The following SKAP1 variants were observed in gnomAD, a reference collection of about 807,000 sequenced individuals.
SKAP1 encodes src kinase-associated phosphoprotein 1.
Under a neutral mutation model 58.5 loss-of-function variants are expected in SKAP1, and 44 were observed. The observed-to-expected ratio is 0.75, with a 90% CI of 0.59 to 0.97. SKAP1 has a LOEUF of 0.97. SKAP1 is among the 50% of genes least tolerant of loss of function. The pLI, the probability that SKAP1 is intolerant of heterozygous loss-of-function variation, is 0.00. For missense variants in SKAP1, 390 were observed against 435.2 expected (o/e 0.90, Z 0.92); for synonymous variants, 127 against 149.7 (o/e 0.85, Z 1.11).
intron 1 of SKAP1, among the ~76,000 whole-genome samples, chr17:48,398,647 T>G (rs1462400826): frequency 1.3e-5 from 2 of 152,148 alleles, no homozygotes; most frequent in Non-Finnish European, 2.9e-5. Context: ...TATAGTTGGA[T>G]AAGCACACCT....
At chr17:48,429,374 C>T (rs1193514674) in intron 1 of SKAP1, among the ~76,000 whole-genome samples, 3 of 152,278 alleles carry the variant, frequency 2.0e-5, no homozygotes, top group East Asian at 1.9e-4. Flanking sequence ...CGGGGATGGC[C>T]GGAACTCTTT....
intron 2 of SKAP1, among the ~76,000 whole-genome samples, chr17:48,374,286 C>T (rs1253265246): frequency 6.6e-6 from 1 of 151,096 alleles, no homozygotes; most frequent in Non-Finnish European, 1.5e-5. Flanking sequence ...AGCAATCTGC[C>T]TGCTTGGCCT....
chr17:48,244,891 G>A (rs2065279106), intron 4 of SKAP1, among the ~76,000 whole-genome samples: 1 of 152,188 alleles, frequency 6.6e-6, no homozygotes, highest in Admixed American at 6.5e-5. Context: ...AATGATGCAT[G>A]GATGCTTGCC....
At chr17:48,301,886 T>C (rs1443499038) in intron 4 of SKAP1, among the ~76,000 whole-genome samples, 1 of 152,212 alleles carries the variant, frequency 6.6e-6, no homozygotes, top group Non-Finnish European at 1.5e-5. Flanking sequence ...TCAGGGCACA[T>C]AGCTTTCTTT....
At chr17:48,298,686 A>G (rs1368402466) in intron 4 of SKAP1, among the ~76,000 whole-genome samples, 2 of 152,334 alleles carry the variant, frequency 1.3e-5, no homozygotes, top group Non-Finnish European at 2.9e-5. Flanking sequence ...TCCTGTTTTC[A>G]TGAAAGAGTT....
intron 4 of SKAP1, among the ~76,000 whole-genome samples, chr17:48,199,050 C>T (rs898423971): frequency 9.2e-5 from 14 of 152,160 alleles, no homozygotes; most frequent in African/African-American, 2.7e-4. Flanking sequence ...TCTTTAAAAA[C>T]GAATGACGAA....
At chr17:48,413,921 C>A (rs988044256) in intron 1 of SKAP1, among the ~76,000 whole-genome samples, 2 of 152,088 alleles carry the variant, frequency 1.3e-5, no homozygotes, top group African/African-American at 4.8e-5. Flanking sequence ...CCACAGTTAC[C>A]TTTAACTAGG....
rs1207591991 is a variant in SKAP1, at chr17:48,258,857, TG to T, written c.281-69358del. On this transcript the variant is annotated intron_variant, in intron 4 of 12. Transcript: ENST00000336915. ...CTGGAGAAGGACCAGGCCTGTACTCTGAACTCCTAACTCTGCATTCATGAGA... is the reference window on the plus strand; with the variant it reads ...CTGGAGAAGGACCAGGCCTGTACTCTAACTCCTAACTCTGCATTCATGAGA... Among the ~76,000 whole-genome samples, 8 of 152,242 alleles carry T rather than the reference TG, an allele frequency of 5.3e-5. No individual in the cohort carries two copies. In the East Asian group the frequency reaches 1.4e-3, roughly 26 times the overall value.
chr17:48,226,698 GA>G (rs1228501708), intron 4 of SKAP1, among the ~76,000 whole-genome samples: 4 of 152,192 alleles, frequency 2.6e-5, no homozygotes, highest in Non-Finnish European at 4.4e-5. Context: ...TCTATCAGAT[GA>G]GTTGCAGTAA....
chr17:48,414,968 A>G (rs1238776156), intron 1 of SKAP1, among the ~76,000 whole-genome samples: 1 of 152,234 alleles, frequency 6.6e-6, no homozygotes, highest in African/African-American at 2.4e-5. Flanking sequence ...CTAAAAGATT[A>G]AGGTTGCCTC....
intron 4 of SKAP1, among the ~76,000 whole-genome samples, chr17:48,314,479 C>T (rs2066263850): frequency 6.6e-6 from 1 of 151,920 alleles, no homozygotes; most frequent in South Asian, 2.1e-4. Flanking sequence ...TTATTATCAG[C>T]AATTAATTTT....
upstream of SKAP1, among the ~76,000 whole-genome samples, chr17:48,430,962 G>A (rs1267073028): frequency 6.6e-6 from 1 of 152,222 alleles, no homozygotes; most frequent in African/African-American, 2.4e-5. Context: ...ACATGGTACT[G>A]TAATAGTGCC....
intron 2 of SKAP1, among the ~76,000 whole-genome samples, chr17:48,368,187 A>AC (rs1364428151): frequency 3.4e-4 from 52 of 152,340 alleles, no homozygotes; most frequent in Non-Finnish European, 1.3e-4. Context: ...ACTGGAGGGC[A>AC]CCACAGATTA....
At chr17:48,350,179 G>A (rs1010711756) in intron 3 of SKAP1, among the ~76,000 whole-genome samples, 1 of 151,762 alleles carries the variant, frequency 6.6e-6, no homozygotes, top group Non-Finnish European at 1.5e-5. Context: ...AGAGAAATGA[G>A]AAAGAAATTT....
At position 48,391,763 on chromosome 17, in the gene SKAP1, G is replaced by A. The variant is rs189333998; in HGVS notation, c.152+4917C>T. On this transcript the variant is annotated intron_variant, in intron 2 of 12. Coordinates refer to ENST00000336915, the MANE Select transcript of SKAP1 (RefSeq NM_003726.4). ...TTTTCAGAGCTATTTAAACTTAGAC[G>A]GATCATTCAACTACCTCTTCCTTTT... is the stretch of plus-strand genomic sequence containing the variant. 3.0e-4 allele frequency among the ~76,000 whole-genome samples: 45 copies of A among 149,636 alleles called. No individual in the cohort carries two copies. In the East Asian group the frequency reaches 7.6e-3, roughly 25 times the overall value.
At chr17:48,421,880 C>T (rs1042213503) in intron 1 of SKAP1, among the ~76,000 whole-genome samples, 3 of 152,088 alleles carry the variant, frequency 2.0e-5, no homozygotes, top group African/African-American at 7.2e-5. Context: ...AAAATGATCA[C>T]TAGACTCTGA....
intron 4 of SKAP1, among the ~76,000 whole-genome samples, chr17:48,200,313 A>G (rs2064711178): frequency 6.6e-6 from 1 of 151,920 alleles, no homozygotes; most frequent in Non-Finnish European, 1.5e-5. Flanking sequence ...AAAGAATTAA[A>G]TTGAGGAGGA....
At chr17:48,340,966 C>T (rs1451600282) in intron 4 of SKAP1, among the ~76,000 whole-genome samples, 2 of 152,184 alleles carry the variant, frequency 1.3e-5, no homozygotes, top group African/African-American at 4.8e-5. Context: ...CAGCAGAACT[C>T]TTCAAAAAGC....
At chr17:48,353,854 C>T (rs1194051151) in intron 3 of SKAP1, among the ~76,000 whole-genome samples, 238 of 147,146 alleles carry the variant, frequency 1.6e-3, no homozygotes, top group African/African-American at 5.6e-3. Flanking sequence ...GCCGAGATCG[C>T]GCCATTGCAC....
Sources: allele counts gnomAD v4.1 joint callset (sites outside exome capture counted in the v4.1 genomes callset), GRCh38; gene constraint gnomAD v4.1.1; transcripts MANE v1.5; gene names NCBI Gene and HGNC (gene_info 2026-07-23, HGNC 2026-07-21).